The following GALNT13 variants were observed in gnomAD, a reference collection of about 807,000 sequenced individuals.
The protein encoded by GALNT13 is polypeptide N-acetylgalactosaminyltransferase 13, also known as UDP-GalNAc:polypeptide N-acetylgalactosaminyltransferase 13.
Under a neutral mutation model 64.2 loss-of-function variants are expected in GALNT13, and 28 were observed. The ratio of observed to expected loss-of-function variants is 0.44; its 90% confidence interval spans 0.32 to 0.60. The LOEUF is 0.60. GALNT13 is among the 20% of genes least tolerant of loss of function. The probability of loss-of-function intolerance (pLI) is 0.05; values close to 1 mark genes in which losing one functional copy is unlikely to be tolerated. For synonymous variants in GALNT13, 214 were observed against 224.6 expected (o/e 0.95, Z 0.42); for missense variants, 577 against 669.8 (o/e 0.86, Z 1.53).
the GALNT13 span, among the ~76,000 whole-genome samples, chr2:153,264,588 C>G: frequency 6.6e-6 from 1 of 152,138 alleles, no homozygotes; most frequent in Non-Finnish European, 1.5e-5. Flanking sequence ...ACATATGAAT[C>G]ATGGAATACT....
chr2:153,597,126 C>T, the GALNT13 span, among the ~76,000 whole-genome samples: 2 of 152,170 alleles, frequency 1.3e-5, no homozygotes, highest in Non-Finnish European at 2.9e-5. Context: ...CTACTCTGGC[C>T]TCCTTTGCTT....
the GALNT13 span, among the ~76,000 whole-genome samples, chr2:153,403,217 G>A: frequency 6.7e-6 from 1 of 149,900 alleles, no homozygotes; most frequent in Non-Finnish European, 1.5e-5. Flanking sequence ...CCTGCTGGGG[G>A]GTGCCTCCCG....
chr2:153,236,984 A>G, the GALNT13 span, among the ~76,000 whole-genome samples: 1 of 152,070 alleles, frequency 6.6e-6, no homozygotes, highest in Non-Finnish European at 1.5e-5. Context: ...CATTAATAGG[A>G]TTTTGGAAGA....
At chr2:153,671,675 T>G in the GALNT13 span, among the ~76,000 whole-genome samples, 1 of 152,158 alleles carries the variant, frequency 6.6e-6, no homozygotes, top group Non-Finnish European at 1.5e-5. Flanking sequence ...AGCATCATAA[T>G]GACAGGATCA....
At chr2:153,754,398 G>A in the GALNT13 span, among the ~76,000 whole-genome samples, 1 of 152,144 alleles carries the variant, frequency 6.6e-6, no homozygotes, top group Admixed American at 6.6e-5. Context: ...TCAGTTTGCA[G>A]GTGATAAATC....
intron 2 of GALNT13, among the ~76,000 whole-genome samples, chr2:153,929,654 C>G (rs1472357079): frequency 6.6e-6 from 1 of 152,108 alleles, no homozygotes; most frequent in Non-Finnish European, 1.5e-5. Flanking sequence ...CCAGCTCCAT[C>G]CATGTTGCTG....
At chr2:153,258,163 A>G in the GALNT13 span, among the ~76,000 whole-genome samples, 6 of 152,234 alleles carry the variant, frequency 3.9e-5, no homozygotes, top group Admixed American at 2.0e-4. Context: ...CTATGTAAAA[A>G]ATAATTATTC....
the GALNT13 span, among the ~76,000 whole-genome samples, chr2:153,278,209 A>C: frequency 6.6e-6 from 1 of 151,760 alleles, no homozygotes; most frequent in African/African-American, 2.4e-5. Flanking sequence ...CTGGGATTAC[A>C]GGCGTGAGCC....
At chr2:154,360,380 G>C (rs1574157334) in intron 9 of GALNT13, among the ~76,000 whole-genome samples, 2 of 152,236 alleles carry the variant, frequency 1.3e-5, no homozygotes, top group South Asian at 4.1e-4. Context: ...AACCATTCAT[G>C]TTCCTGAAAT....
At chr2:154,442,718 A>G (rs1223194534) in intron 12 of GALNT13, among the ~76,000 whole-genome samples, 6 of 152,112 alleles carry the variant, frequency 3.9e-5, no homozygotes, top group South Asian at 2.1e-4. Flanking sequence ...ATATTTCCCT[A>G]TGATATGTGC....
intron 11 of GALNT13, among the ~76,000 whole-genome samples, chr2:154,421,636 T>C (rs1400979300): frequency 6.6e-6 from 1 of 152,072 alleles, no homozygotes; most frequent in African/African-American, 2.4e-5. Context: ...TTAAAAGCTA[T>C]CTTTATATTG....
chr2:153,787,073 C>T, the GALNT13 span, among the ~76,000 whole-genome samples: 1 of 152,138 alleles, frequency 6.6e-6, no homozygotes, highest in East Asian at 1.9e-4. Flanking sequence ...AGGTCCCTTC[C>T]TCTGCTGCCT....
chr2:153,881,262 A>C (rs1027112320), intron 1 of GALNT13, among the ~76,000 whole-genome samples: 1 of 152,174 alleles, frequency 6.6e-6, no homozygotes, highest in African/African-American at 2.4e-5. Context: ...TAAAAATAAA[A>C]CAACCAATAT....
At chr2:153,600,627 C>A in the GALNT13 span, among the ~76,000 whole-genome samples, 2 of 151,938 alleles carry the variant, frequency 1.3e-5, no homozygotes, top group Non-Finnish European at 2.9e-5. Context: ...ATCCTCCCAA[C>A]GCCATATTTT....
At chr2:154,417,521 A>ATTTTT (rs1238225224) in intron 11 of GALNT13, among the ~76,000 whole-genome samples, 3 of 139,138 alleles carry the variant, frequency 2.2e-5, no homozygotes, top group East Asian at 2.1e-4. Flanking sequence ...TTATTTATTT[A>ATTTTT]TTTTTTTGAG....
At chr2:153,906,291 A>G (rs1688556631) in intron 2 of GALNT13, among the ~76,000 whole-genome samples, 1 of 151,226 alleles carries the variant, frequency 6.6e-6, no homozygotes, top group Non-Finnish European at 1.5e-5. Context: ...CATGTGCACA[A>G]TGTGCAGGTT....
chr2:153,393,104 A>G, the GALNT13 span, among the ~76,000 whole-genome samples: 38 of 152,196 alleles, frequency 2.5e-4, no homozygotes, highest in African/African-American at 9.1e-4. Context: ...AACTGCCCAA[A>G]TGAACAAAGA....
chr2:153,577,757 T>C, the GALNT13 span, among the ~76,000 whole-genome samples: 9 of 151,678 alleles, frequency 5.9e-5, no homozygotes, highest in Non-Finnish European at 1.2e-4. Context: ...TTCCTGTGAT[T>C]AGAAAAAATA....
the GALNT13 span, among the ~76,000 whole-genome samples, chr2:153,071,595 GAGCTCC>G: frequency 3.3e-5 from 5 of 152,182 alleles, no homozygotes; most frequent in Non-Finnish European, 7.4e-5. Flanking sequence ...ACAGGGGCCA[GAGCTCC>G]AGAGTGGTTT....
Sources: allele counts gnomAD v4.1 joint callset (sites outside exome capture counted in the v4.1 genomes callset), GRCh38; gene constraint gnomAD v4.1.1; transcripts MANE v1.5; gene names NCBI Gene and HGNC (gene_info 2026-07-23, HGNC 2026-07-21).